CNGA3: variants seen among roughly 807,000 people sequenced by gnomAD.
CNGA3 encodes the protein cyclic nucleotide gated channel subunit alpha 3, also known as cyclic nucleotide-gated channel alpha-3.
A neutral mutation model predicts 46.6 loss-of-function variants in CNGA3; 42 were observed. That is an observed-to-expected ratio of 0.90 (90% CI 0.70 to 1.17). CNGA3 has a LOEUF of 1.17. CNGA3 is among the 50% of genes most tolerant of loss of function. The probability of loss-of-function intolerance (pLI) is 0.00; values close to 1 mark genes in which losing one functional copy is unlikely to be tolerated. For missense variants in CNGA3, 893 were observed against 890.7 expected, an observed-to-expected ratio of 1.00 and a Z score of -0.03; for synonymous variants, 394 against 369.4, an observed-to-expected ratio of 1.07 and a Z score of -0.76.
intron 1 of CNGA3, among the ~76,000 whole-genome samples, chr2:98,366,313 G>A (rs10196003): frequency 0.44 from 66,625 of 152,010 alleles, 14,697 homozygotes; most frequent in Admixed American, 0.5. Flanking sequence ...ACCTGATGCC[G>A]GCAAGAACGT....
intron 1 of CNGA3, among the ~76,000 whole-genome samples, chr2:98,354,234 GT>G (rs911125323): frequency 1.8e-3 from 278 of 151,994 alleles, no homozygotes; most frequent in African/African-American, 5.9e-3. Flanking sequence ...TATTGTTTTG[GT>G]TTTTTTCAAA....
intron 1 of CNGA3, among the ~76,000 whole-genome samples, chr2:98,358,994 C>G (rs912247203): frequency 1.3e-5 from 2 of 152,196 alleles, no homozygotes; most frequent in Non-Finnish European, 2.9e-5. Flanking sequence ...CAAAACAGAG[C>G]CTTGAACAGG....
intron 5 of CNGA3, 118 bp downstream of exon 5, chr2:98,383,559 G>A (rs763895612): frequency 9.4e-5 from 87 of 925,098 alleles, no homozygotes; most frequent in Middle Eastern, 4.3e-4. Flanking sequence ...AGCACCAGTA[G>A]AATATTTTAG....
At chr2:98,386,645 T>C (rs561991876) in intron 5 of CNGA3, among the ~76,000 whole-genome samples, 1 of 152,332 alleles carries the variant, frequency 6.6e-6, no homozygotes, top group Non-Finnish European at 1.5e-5. Context: ...AGGTAGGTTA[T>C]CCTGGATTAT....
chr2:98,389,833 G>T (rs774719016), intron 6 of CNGA3, 59 bp downstream of exon 6: 176 of 1,401,062 alleles, frequency 1.3e-4, no homozygotes, highest in Non-Finnish European at 1.5e-4. Context: ...CCAGGCCCAG[G>T]AGCCAGAGCT....
chr2:98,360,351 A>C (rs555551038), intron 1 of CNGA3, among the ~76,000 whole-genome samples: 4 of 152,340 alleles, frequency 2.6e-5, no homozygotes, highest in African/African-American at 9.6e-5. Flanking sequence ...TGTGCCCAGG[A>C]TAGAGAAAGC....
Position 98,391,863 on chromosome 2 carries a change from G to A in CNGA3, c.567-1G>A. The A allele has an allele frequency of 6.2e-7, 1 of 1,614,122 alleles. No individual in the cohort carries two copies. Among genetic ancestry groups the A allele is most frequent in the Non-Finnish European group, 8.5e-7 (1 of 1,179,968 alleles). On this transcript the variant is annotated splice_acceptor_variant, in intron 6 of 7. Coordinates refer to ENST00000272602, the MANE Select transcript of CNGA3 (RefSeq NM_001298.3). LOFTEE classifies it high-confidence loss of function. Reference sequence around the variant, plus strand: ...ATCCATCTCCCACATGGCTTCTTTAGGGCCTGTTTCGATGAGCTGCAGTCC... The same window carrying A: ...ATCCATCTCCCACATGGCTTCTTTAAGGCCTGTTTCGATGAGCTGCAGTCC...
intron 6 of CNGA3, among the ~76,000 whole-genome samples, chr2:98,390,553 G>A (rs1293061330): frequency 6.6e-6 from 1 of 152,186 alleles, no homozygotes; most frequent in African/African-American, 2.4e-5. Context: ...GAAGCCAGGG[G>A]CCTGGGCTTT....
At chr2:98,393,689 C>T (rs1365722120) in intron 7 of CNGA3, among the ~76,000 whole-genome samples, 9 of 152,258 alleles carry the variant, frequency 5.9e-5, no homozygotes, top group East Asian at 1.9e-4. Flanking sequence ...TGGGATGAGA[C>T]ACCCCGACTC....
intron 5 of CNGA3, 127 bp from the exon 6 acceptor site, chr2:98,389,531 T>A (rs1692734627): frequency 1.2e-6 from 1 of 830,638 alleles, no homozygotes; most frequent in African/African-American, 1.7e-5. Context: ...CCCTTGAGAC[T>A]AAGAGGACCC....
chr2:98,347,840 C>A (rs1691674813), intron 1 of CNGA3, among the ~76,000 whole-genome samples: 2 of 152,186 alleles, frequency 1.3e-5, no homozygotes, highest in African/African-American at 2.4e-5. Context: ...ATGCACTGTC[C>A]GCCACCCCCT....
chr2:98,352,054 C>T (rs1691780204), intron 1 of CNGA3, among the ~76,000 whole-genome samples: 1 of 152,192 alleles, frequency 6.6e-6, no homozygotes, highest in South Asian at 2.1e-4. Flanking sequence ...CTCTACTCTA[C>T]TTTCTGCCTT....
chr2:98,376,393 G>A (rs181500250), intron 2 of CNGA3, among the ~76,000 whole-genome samples: 1 of 152,240 alleles, frequency 6.6e-6, no homozygotes, highest in East Asian at 1.9e-4. Context: ...AGTCACACAG[G>A]TCCTGGTCAT....
intron 1 of CNGA3, among the ~76,000 whole-genome samples, chr2:98,362,260 A>G (rs1692052525): frequency 7.3e-6 from 1 of 137,854 alleles, no homozygotes; most frequent in Non-Finnish European, 1.5e-5. Context: ...GCTCACTGCA[A>G]CCTCTGCCTC....
At chr2:98,392,420 C>T (rs1031123300) in intron 7 of CNGA3, among the ~76,000 whole-genome samples, 2 of 152,058 alleles carry the variant, frequency 1.3e-5, no homozygotes, top group Non-Finnish European at 2.9e-5. Flanking sequence ...ATTAGCTGGG[C>T]CCACTGGCAT....
Position 98,383,389 on chromosome 2 carries a change from G to T in CNGA3, c.397G>T (p.Ala133Ser), listed in dbSNP as rs769185929. The T allele has an allele frequency of 1.9e-6, 3 of 1,614,006 alleles. No individual in the cohort carries two copies. The highest frequency in any genetic ancestry group is 2.2e-5 in the South Asian group (2 of 91,084). Residue 133 changes from alanine (A) to serine (S), a missense_variant and splice_region_variant, in exon 5 of 8, where the codon GCC (alanine) becomes TCC (serine). Physicochemically the swap from Ala to Ser is moderately conservative, Grantham distance 99. Coordinates refer to ENST00000272602, the MANE Select transcript of CNGA3 (RefSeq NM_001298.3). The part of the protein sequence containing the change: ...SQEPADRGRS[A>S]WPLAKCNTNT... ...GATGTTCTCTCTACCTTCCCGCAGC[G>T]CCTGGCCCCTGGCCAAATGCAACAC...
rs1234553253 is a variant in CNGA3 at position 98,380,360 on chromosome 2, G to A, written c.395+6G>A. 1.2e-6 allele frequency: 2 copies of A among 1,612,848 alleles called. No homozygotes were observed. Among genetic ancestry groups the A allele is most frequent in the South Asian group, 1.1e-5 (1 of 90,906 alleles). ...CCAGCAGACAGAGGGAGAAGGTAAG[G>A]AACGGAAAAGAAGAAGGGGCCTCTG... On this transcript the variant is annotated splice_donor_region_variant and intron_variant, in intron 4 of 7. Transcript: ENST00000272602.
intron 7 of CNGA3, among the ~76,000 whole-genome samples, chr2:98,395,455 C>T (rs1054945310): frequency 6.6e-6 from 1 of 152,190 alleles, no homozygotes; most frequent in African/African-American, 2.4e-5. Context: ...TAGGCATGAG[C>T]CACGGCACCC....
chr2:98,367,042 GC>G (rs916332714), intron 1 of CNGA3, among the ~76,000 whole-genome samples: 1 of 152,078 alleles, frequency 6.6e-6, no homozygotes, highest in African/African-American at 2.4e-5. Context: ...GCTCCACCCT[GC>G]TTGTCCTCAC....
Sources: allele counts gnomAD v4.1 joint callset (sites outside exome capture counted in the v4.1 genomes callset), GRCh38; gene constraint gnomAD v4.1.1; transcripts MANE v1.5; gene names NCBI Gene and HGNC (gene_info 2026-07-23, HGNC 2026-07-21).